The following UBE2E2 variants were observed in gnomAD, a reference collection of about 807,000 sequenced individuals.
The protein encoded by UBE2E2 is ubiquitin-conjugating enzyme E2 E2.
Under a neutral mutation model 24.7 loss-of-function variants are expected in UBE2E2, and 6 were observed. The ratio of observed to expected loss-of-function variants is 0.24; its 90% CI spans 0.13 to 0.48. The LOEUF is 0.48. Among genes scored for constraint, UBE2E2 ranks in the 20% least tolerant of loss-of-function variants. The pLI, the probability that UBE2E2 is intolerant of heterozygous loss-of-function variation, is 0.99. For synonymous variants in UBE2E2, 104 were observed against 83.6 expected, an observed-to-expected ratio of 1.24 and a Z score of -1.33; for missense variants, 169 against 245.0, an observed-to-expected ratio of 0.69 and a Z score of 2.07.
Position 23,312,541 on chromosome 3 carries a change from C to T in UBE2E2, c.227+95229C>T, listed in dbSNP as rs1402962682. 2.6e-5 allele frequency among the ~76,000 whole-genome samples: 4 copies of T among 152,206 alleles called. No individual in the cohort carries two copies. In the South Asian group the frequency reaches 8.3e-4, roughly 32 times the overall value. The stretch of plus-strand genomic sequence containing the variant: ...ATCATCCCCCTACCCTTCCCAGCCT[C>T]TGGTAACCATCCTTCTGCATTCTCT... On this transcript the variant is annotated intron_variant, in intron 3 of 5. Coordinates refer to ENST00000396703, the MANE Select transcript of UBE2E2 (RefSeq NM_152653.4).
chr3:23,276,184 A>C (rs1011752638), intron 3 of UBE2E2, among the ~76,000 whole-genome samples: 3 of 152,128 alleles, frequency 2.0e-5, no homozygotes, highest in African/African-American at 7.2e-5. Flanking sequence ...CATTTCCTTC[A>C]GACAGCTCCT....
At chr3:23,523,766 T>G (rs1431118673) in intron 4 of UBE2E2, among the ~76,000 whole-genome samples, 1 of 152,116 alleles carries the variant, frequency 6.6e-6, no homozygotes, top group Non-Finnish European at 1.5e-5. Flanking sequence ...ATGTTAGTTA[T>G]TGGTGCAGTG....
intron 3 of UBE2E2, among the ~76,000 whole-genome samples, chr3:23,287,281 A>G (rs1320988055): frequency 4.6e-5 from 7 of 152,178 alleles, no homozygotes; most frequent in Non-Finnish European, 7.4e-5. Flanking sequence ...CCACTTGGCC[A>G]TGATAAAATG....
chr3:23,366,472 T>TA (rs1305008335), intron 3 of UBE2E2, among the ~76,000 whole-genome samples: 2 of 152,186 alleles, frequency 1.3e-5, no homozygotes, highest in East Asian at 3.9e-4. Context: ...ATGCAGCCAT[T>TA]AAAAAAGAAT....
At position 23,532,805 on chromosome 3, in the gene UBE2E2, C is replaced by T. The variant is rs1310606033; in HGVS notation, c.508+104C>T. ...GCTACTACCACTACCACCACTGCTTCTACTACTATTATTGTTAAATTTTCA... is the reference window on the plus strand; with the variant it reads ...GCTACTACCACTACCACCACTGCTTTTACTACTATTATTGTTAAATTTTCA... On this transcript the variant is annotated intron_variant, in intron 5 of 5. Coordinates refer to ENST00000396703, the MANE Select transcript of UBE2E2 (RefSeq NM_152653.4). The T allele has an allele frequency of 5.7e-6, 6 of 1,049,136 alleles. No homozygotes were observed. In the African/African-American group the frequency reaches 9.6e-5, roughly 17 times the overall value. The allele number at this position is 1,049,136 out of a possible 1,614,324, so 65.0% of individuals were successfully genotyped here. A position where few individuals can be genotyped will look rare whatever the true frequency, so the allele number is the denominator to read the frequency against.
intron 3 of UBE2E2, among the ~76,000 whole-genome samples, chr3:23,242,076 A>C (rs1481246580): frequency 6.6e-6 from 1 of 151,858 alleles, no homozygotes; most frequent in Non-Finnish European, 1.5e-5. Flanking sequence ...CACCTAGCTA[A>C]ATTTTTATTT....
chr3:23,489,308 G>T (rs1187649681), intron 3 of UBE2E2, among the ~76,000 whole-genome samples: 1 of 151,862 alleles, frequency 6.6e-6, no homozygotes, highest in Non-Finnish European at 1.5e-5. Context: ...CCCTGAGCTT[G>T]TTTTTCTGCA....
chr3:23,444,732 C>T (rs1212836755), intron 3 of UBE2E2, among the ~76,000 whole-genome samples: 1 of 152,140 alleles, frequency 6.6e-6, no homozygotes, highest in Non-Finnish European at 1.5e-5. Context: ...ACCTATTGGG[C>T]CAGCTGTTAT....
At chr3:23,273,828 G>T (rs78238781) in intron 3 of UBE2E2, 1 of 152,386 alleles carries the variant, frequency 6.6e-6, no homozygotes, top group African/African-American at 2.4e-5. Context: ...GTGCAGTGTG[G>T]TGTTTACAAC....
At chr3:23,374,718 C>T (rs1476349355) in intron 3 of UBE2E2, among the ~76,000 whole-genome samples, 2 of 152,232 alleles carry the variant, frequency 1.3e-5, no homozygotes, top group Admixed American at 1.3e-4. Context: ...TCTGCTGAGA[C>T]TTTCAAGAAG....
At chr3:23,247,428 C>T (rs1321762129) in intron 3 of UBE2E2, among the ~76,000 whole-genome samples, 4 of 150,930 alleles carry the variant, frequency 2.7e-5, no homozygotes, top group Non-Finnish European at 5.9e-5. Flanking sequence ...GATCTCGGCT[C>T]ACCAGAACCT....
intron 3 of UBE2E2, among the ~76,000 whole-genome samples, chr3:23,226,621 G>A (rs1199516071): frequency 6.6e-6 from 1 of 152,146 alleles, no homozygotes; most frequent in African/African-American, 2.4e-5. Context: ...AATAGGGATG[G>A]CTTTACGTAA....
At chr3:23,238,410 A>G (rs376585747) in intron 3 of UBE2E2, among the ~76,000 whole-genome samples, 3 of 152,328 alleles carry the variant, frequency 2.0e-5, no homozygotes, top group Admixed American at 6.5e-5. Flanking sequence ...GCATTGTGCA[A>G]ATGTAAAGAG....
At chr3:23,448,094 A>G (rs997029673) in intron 3 of UBE2E2, among the ~76,000 whole-genome samples, 1 of 152,098 alleles carries the variant, frequency 6.6e-6, no homozygotes, top group Non-Finnish European at 1.5e-5. Context: ...TTTCTAATGG[A>G]TAAGCCAGTT....
At chr3:23,438,951 C>G (rs1170241954) in intron 3 of UBE2E2, among the ~76,000 whole-genome samples, 1 of 152,170 alleles carries the variant, frequency 6.6e-6, no homozygotes, top group Non-Finnish European at 1.5e-5. Flanking sequence ...TTGAATACTA[C>G]TCAACACACT....
chr3:23,578,181 A>G (rs1463736373), intron 5 of UBE2E2, among the ~76,000 whole-genome samples: 1 of 152,222 alleles, frequency 6.6e-6, no homozygotes, highest in African/African-American at 2.4e-5. Context: ...AAAATATGAA[A>G]AAAAGCTCAA....
intron 3 of UBE2E2, among the ~76,000 whole-genome samples, chr3:23,342,320 G>A (rs1473738943): frequency 1.3e-5 from 2 of 152,058 alleles, no homozygotes; most frequent in Middle Eastern, 3.2e-3. Flanking sequence ...AAATAGCTGG[G>A]ACTCTAGGCA....
At chr3:23,283,583 T>G (rs1405088697) in intron 3 of UBE2E2, among the ~76,000 whole-genome samples, 1 of 152,098 alleles carries the variant, frequency 6.6e-6, no homozygotes, top group African/African-American at 2.4e-5. Flanking sequence ...TAAAATTAGC[T>G]GGGCATGGTG....
At chr3:23,249,945 C>T (rs796801507) in intron 3 of UBE2E2, among the ~76,000 whole-genome samples, 11 of 152,296 alleles carry the variant, frequency 7.2e-5, no homozygotes, top group African/African-American at 1.9e-4. Flanking sequence ...CGTGAGCCAC[C>T]GCATCCGGCC....
Sources: gnomAD v4.1 joint callset for allele counts (sites outside exome capture counted in the v4.1 genomes callset) on GRCh38, gnomAD v4.1.1 for gene constraint, MANE v1.5 for transcripts, NCBI Gene and HGNC (gene_info 2026-07-23, HGNC 2026-07-21) for gene names.